Variants in GOLM1 observed in about 807,000 individuals in gnomAD.
GOLM1 encodes the protein golgi membrane protein 1.
Under a neutral mutation model 50.5 loss-of-function variants are expected in GOLM1, and 31 were observed. The ratio of observed to expected loss-of-function variants is 0.61; its 90% CI spans 0.46 to 0.83. The LOEUF (loss-of-function observed/expected upper bound fraction) is 0.83. GOLM1 is among the 40% of genes least tolerant of loss of function. The pLI is 0.00. For missense variants in GOLM1, 491 were observed against 501.3 expected (o/e 0.98, Z 0.20); for synonymous variants, 178 against 192.8 (o/e 0.92, Z 0.64).
chr9:86,040,131 T>G (rs1279486022), intron 6 of GOLM1, among the ~76,000 whole-genome samples: 1 of 152,168 alleles, frequency 6.6e-6, no homozygotes, highest in Non-Finnish European at 1.5e-5. Context: ...CGGTTTCTTT[T>G]GTGCCAATAA....
intron 3 of GOLM1, among the ~76,000 whole-genome samples, chr9:86,075,652 A>C (rs575174011): frequency 3.9e-5 from 6 of 152,370 alleles, no homozygotes; most frequent in Non-Finnish European, 8.8e-5. Context: ...ATCCTCCTGC[A>C]GCTAAGGTTT....
intron 4 of GOLM1, among the ~76,000 whole-genome samples, chr9:86,050,973 T>A (rs888090072): frequency 2.0e-5 from 3 of 152,226 alleles, no homozygotes; most frequent in Non-Finnish European, 4.4e-5. Context: ...CAATTTTAGA[T>A]CTTTCCTGCT....
At chr9:86,065,536 C>A (rs1469204933) in intron 3 of GOLM1, among the ~76,000 whole-genome samples, 1 of 152,126 alleles carries the variant, frequency 6.6e-6, no homozygotes, top group Admixed American at 6.5e-5. Context: ...AGAGAAGACA[C>A]CAGAACCCTC....
intron 6 of GOLM1, 165 bp from the exon 7 acceptor site, chr9:86,036,672 G>T: frequency 1.5e-6 from 1 of 654,750 alleles, no homozygotes; most frequent in Non-Finnish European, 2.6e-6. Context: ...TGGTCATGTG[G>T]CGTAAATCAG....
chr9:86,050,644 T>G (rs1425758408), intron 4 of GOLM1, among the ~76,000 whole-genome samples: 2 of 152,352 alleles, frequency 1.3e-5, no homozygotes, highest in East Asian at 3.9e-4. Flanking sequence ...TTCTAGTTTA[T>G]TTGCATAGAG....
At chr9:86,044,762 G>A (rs1190403755) in intron 5 of GOLM1, among the ~76,000 whole-genome samples, 1 of 152,072 alleles carries the variant, frequency 6.6e-6, no homozygotes, top group Non-Finnish European at 1.5e-5. Flanking sequence ...GACCAGCCTA[G>A]CCAACAAGGT....
At position 86,027,996 on chromosome 9, in the gene GOLM1, G is replaced by A. The variant is rs139442225; in HGVS notation, c.1130-103C>T. 8.2e-5 allele frequency: 54 copies of A among 657,422 alleles called. No individual in the cohort carries two copies. In the African/African-American group the frequency reaches 8.3e-4, roughly 10 times the overall value. The allele number at this position is 657,422 out of a possible 1,614,324, so 40.7% of individuals were successfully genotyped here. Reference sequence around the variant, plus strand: ...AACTTCTAGAAACTGTCATAAAGAGGACTGCATCTCCCACAGCAACACTGT... The same window carrying A: ...AACTTCTAGAAACTGTCATAAAGAGAACTGCATCTCCCACAGCAACACTGT... On this transcript the variant is annotated intron_variant, in intron 9 of 9. Coordinates refer to ENST00000388712, the MANE Select transcript of GOLM1 (RefSeq NM_016548.4).
intron 8 of GOLM1, chr9:86,035,133 C>T (rs576590421): frequency 1.3e-5 from 13 of 985,268 alleles, no homozygotes; most frequent in Middle Eastern, 5.2e-4. Flanking sequence ...AAGGTCCCCT[C>T]GACTCCCTGC....
chr9:86,038,263 TAGAG>T (rs1465023826), intron 6 of GOLM1, among the ~76,000 whole-genome samples: 1 of 152,026 alleles, frequency 6.6e-6, no homozygotes, highest in African/African-American at 2.4e-5. Flanking sequence ...CAGTGAATAT[TAGAG>T]AAAGGCTCTC....
chr9:86,097,471 A>G (rs1029971240), intron 1 of GOLM1, among the ~76,000 whole-genome samples: 2 of 152,056 alleles, frequency 1.3e-5, no homozygotes, highest in African/African-American at 4.8e-5. Flanking sequence ...TTTTTATTTC[A>G]AGAAAAAACA....
intron 1 of GOLM1, among the ~76,000 whole-genome samples, chr9:86,080,812 A>G (rs1414691697): frequency 2.0e-5 from 3 of 152,138 alleles, no homozygotes; most frequent in African/African-American, 4.8e-5. Context: ...TTATCAGCTG[A>G]TATCAGCAAG....
At chr9:86,043,228 C>T (rs563509890) in intron 5 of GOLM1, among the ~76,000 whole-genome samples, 7 of 152,268 alleles carry the variant, frequency 4.6e-5, no homozygotes, top group African/African-American at 1.2e-4. Flanking sequence ...GGAGAAAGAA[C>T]GCAAGGCTAT....
At chr9:86,072,279 T>C (rs1301646853) in intron 3 of GOLM1, among the ~76,000 whole-genome samples, 1 of 152,154 alleles carries the variant, frequency 6.6e-6, no homozygotes, top group Non-Finnish European at 1.5e-5. Context: ...TTAAATAATA[T>C]CTGGGTGAGG....
At chr9:86,095,663 G>A (rs1347393077) in intron 1 of GOLM1, among the ~76,000 whole-genome samples, 3 of 152,118 alleles carry the variant, frequency 2.0e-5, no homozygotes, top group East Asian at 1.9e-4. Context: ...AAGATTATGC[G>A]CGCGTGGGAA....
At chr9:86,093,289 A>G (rs1476454517) in intron 1 of GOLM1, among the ~76,000 whole-genome samples, 2 of 151,206 alleles carry the variant, frequency 1.3e-5, no homozygotes, top group Non-Finnish European at 2.9e-5. Context: ...AGGCAGGAGA[A>G]TCGCTTGAAC....
chr9:86,036,067 C>T (rs1193029188), intron 7 of GOLM1, among the ~76,000 whole-genome samples: 2 of 152,018 alleles, frequency 1.3e-5, no homozygotes, highest in Non-Finnish European at 2.9e-5. Context: ...GGGGCTCAGC[C>T]GCCTCCCCCG....
At chr9:86,060,622 C>G (rs1834124453) in intron 3 of GOLM1, among the ~76,000 whole-genome samples, 2 of 151,994 alleles carry the variant, frequency 1.3e-5, no homozygotes, top group African/African-American at 4.8e-5. Flanking sequence ...CAGCTCACGC[C>G]TGTAATCCCA....
intron 3 of GOLM1, among the ~76,000 whole-genome samples, chr9:86,063,495 G>T (rs1424923608): frequency 6.6e-6 from 1 of 152,200 alleles, no homozygotes; most frequent in Non-Finnish European, 1.5e-5. Context: ...ACTGAACCAA[G>T]TGTACAGGTT....
chr9:86,056,504 A>ATT (rs375381791), intron 3 of GOLM1, among the ~76,000 whole-genome samples: 17 of 138,834 alleles, frequency 1.2e-4, no homozygotes, highest in Admixed American at 2.8e-4. Context: ...TTTTATTTAA[A>ATT]TTTTTTTTTT....
Sources: gnomAD v4.1 joint callset for allele counts (sites outside exome capture counted in the v4.1 genomes callset) on GRCh38, gnomAD v4.1.1 for gene constraint, MANE v1.5 for transcripts, NCBI Gene and HGNC (gene_info 2026-07-23, HGNC 2026-07-21) for gene names.